The following DTNA variants were observed in gnomAD, a reference collection of about 807,000 sequenced individuals.
DTNA encodes dystrophin-related protein 3.
Under a neutral mutation model 100.7 loss-of-function variants are expected in DTNA, and 43 were observed. The observed-to-expected ratio is 0.43, with a 90% CI of 0.33 to 0.55. The LOEUF is 0.55. DTNA is among the 20% of genes least tolerant of loss of function. The probability of loss-of-function intolerance (pLI) is 0.04; values close to 1 mark genes in which losing one functional copy is unlikely to be tolerated. For synonymous variants in DTNA, 349 were observed against 347.9 expected, an observed-to-expected ratio of 1.00 and a Z score of -0.04; for missense variants, 798 against 953.9, an observed-to-expected ratio of 0.84 and a Z score of 2.15.
At chr18:34,712,359 T>C (rs2083071408) in intron 1 of DTNA, among the ~76,000 whole-genome samples, 1 of 152,038 alleles carries the variant, frequency 6.6e-6, no homozygotes, top group Non-Finnish European at 1.5e-5. Flanking sequence ...TTAAAATACA[T>C]GATAAAGTAT....
At chr18:34,536,274 A>C (rs2043703375) in intron 1 of DTNA, among the ~76,000 whole-genome samples, 1 of 151,956 alleles carries the variant, frequency 6.6e-6, no homozygotes. Context: ...TTTTGAGGCA[A>C]ACATCTTCCT....
chr18:34,788,061 C>T (rs1393742449), intron 3 of DTNA, among the ~76,000 whole-genome samples: 1 of 152,190 alleles, frequency 6.6e-6, no homozygotes, highest in African/African-American at 2.4e-5. Flanking sequence ...CCTCCTATCT[C>T]CTGTGCCTAG....
intron 1 of DTNA, among the ~76,000 whole-genome samples, chr18:34,561,473 A>G (rs915379870): frequency 1.3e-5 from 2 of 152,156 alleles, no homozygotes; most frequent in Non-Finnish European, 2.9e-5. Flanking sequence ...TCTAAGTTAT[A>G]TATTTGATAT....
At chr18:34,666,539 G>A (rs1398902248) in intron 1 of DTNA, among the ~76,000 whole-genome samples, 2 of 152,034 alleles carry the variant, frequency 1.3e-5, no homozygotes, top group African/African-American at 4.8e-5. Flanking sequence ...TTCTTCTAGG[G>A]TTTTTATGGT....
Position 34,601,126 on chromosome 18 carries a change from C to G in DTNA, c.-2+107612C>G, listed in dbSNP as rs185632336. Among the ~76,000 whole-genome samples, 3 of 152,342 alleles carry G rather than the reference C, an allele frequency of 2.0e-5. No individual in the cohort carries two copies. In the East Asian group the frequency reaches 5.8e-4, roughly 29 times the overall value. On this transcript the variant is annotated intron_variant, in intron 1 of 19. Coordinates refer to the DTNA transcript ENST00000283365. The stretch of plus-strand genomic sequence containing the variant: ...CAGTGGTGTTAGACAGCAACTTTTA[C>G]TGAAGTGGCAGTGTACAGCAGCAGC...
intron 11 of DTNA, among the ~76,000 whole-genome samples, chr18:34,831,750 A>G (rs1033578691): frequency 1.3e-5 from 2 of 152,210 alleles, no homozygotes; most frequent in African/African-American, 4.8e-5. Context: ...CCGGGACAAC[A>G]AGGGTGAAAA....
intron 17 of DTNA, among the ~76,000 whole-genome samples, chr18:34,870,104 A>T (rs1350638693): frequency 6.6e-6 from 1 of 152,198 alleles, no homozygotes; most frequent in African/African-American, 2.4e-5. Flanking sequence ...CCATTTTTTT[A>T]AACTACATTT....
chr18:34,669,106 G>T (rs1352747537), intron 1 of DTNA, among the ~76,000 whole-genome samples: 1 of 152,068 alleles, frequency 6.6e-6, no homozygotes, highest in African/African-American at 2.4e-5. Flanking sequence ...GTATCTGGGG[G>T]CTCCTGTATT....
chr18:34,750,198 A>C (rs946719114), intron 1 of DTNA, among the ~76,000 whole-genome samples: 1 of 152,166 alleles, frequency 6.6e-6, no homozygotes, highest in Admixed American at 6.5e-5. Flanking sequence ...GTTTCCAAAA[A>C]CATTGTCCTG....
chr18:34,522,081 A>G (rs1036848367), intron 1 of DTNA, among the ~76,000 whole-genome samples: 1 of 152,224 alleles, frequency 6.6e-6, no homozygotes, highest in Non-Finnish European at 1.5e-5. Flanking sequence ...ATGCTTATAC[A>G]TGAAATTCCT....
chr18:34,853,764 C>T (rs79022817), intron 15 of DTNA, among the ~76,000 whole-genome samples: 1 of 151,380 alleles, frequency 6.6e-6, no homozygotes, highest in Non-Finnish European at 1.5e-5. Context: ...TGCATAGTGA[C>T]GAATTATAAA....
intron 1 of DTNA, among the ~76,000 whole-genome samples, chr18:34,672,987 C>G (rs138659060): frequency 6.6e-6 from 1 of 152,046 alleles, no homozygotes; most frequent in Non-Finnish European, 1.5e-5. Context: ...CACACATACC[C>G]GCAGTTTAAA....
intron 9 of DTNA, among the ~76,000 whole-genome samples, chr18:34,823,108 T>A (rs946452287): frequency 5.9e-5 from 9 of 152,246 alleles, no homozygotes; most frequent in Non-Finnish European, 1.3e-4. Context: ...AATGCTATTG[T>A]CATGAGTAGA....
intron 1 of DTNA, among the ~76,000 whole-genome samples, chr18:34,676,254 G>A (rs1047773243): frequency 1.2e-4 from 19 of 152,180 alleles, no homozygotes; most frequent in African/African-American, 4.3e-4. Flanking sequence ...TCCAATTTGA[G>A]GGGGTCCTCT....
intron 1 of DTNA, among the ~76,000 whole-genome samples, chr18:34,493,669 G>A (rs867358576): frequency 1.0e-4 from 15 of 150,256 alleles, no homozygotes; most frequent in Non-Finnish European, 1.6e-4. Context: ...CGGGGCGGGA[G>A]GTGCACATGA....
intron 1 of DTNA, among the ~76,000 whole-genome samples, chr18:34,604,182 G>A (rs1598932188): frequency 6.6e-6 from 1 of 152,178 alleles, no homozygotes; most frequent in African/African-American, 2.4e-5. Context: ...GACCGGGTGT[G>A]TGTCCTTTCA....
intron 4 of DTNA, among the ~76,000 whole-genome samples, chr18:34,803,808 C>T (rs1252242226): frequency 6.6e-6 from 1 of 152,070 alleles, no homozygotes; most frequent in African/African-American, 2.4e-5. Flanking sequence ...TTACAGCTAC[C>T]TGCTCTAAAA....
chr18:34,753,366 A>ATTTTAT (rs2092500633), intron 1 of DTNA, among the ~76,000 whole-genome samples: 2 of 133,150 alleles, frequency 1.5e-5, no homozygotes, highest in African/African-American at 6.4e-5. Flanking sequence ...TATTTATTTT[A>ATTTTAT]TTTTTTTTTT....
intron 1 of DTNA, among the ~76,000 whole-genome samples, chr18:34,606,521 C>A (rs1439066050): frequency 6.6e-6 from 1 of 152,060 alleles, no homozygotes; most frequent in Non-Finnish European, 1.5e-5. Context: ...GCATTATACT[C>A]CATATTTGAA....
Sources: allele counts gnomAD v4.1 joint callset (sites outside exome capture counted in the v4.1 genomes callset), GRCh38; gene constraint gnomAD v4.1.1; transcripts MANE v1.5; gene names NCBI Gene and HGNC (gene_info 2026-07-23, HGNC 2026-07-21).